Variants in CD200R1 observed in about 807,000 individuals in gnomAD.
CD200R1 encodes the protein CD200 receptor 1.
CD200R1 carries 30 observed loss-of-function variants against 38.1 expected under a neutral mutation model. The observed-to-expected ratio is 0.79, with a 90% confidence interval of 0.59 to 1.07. The LOEUF (loss-of-function observed/expected upper bound fraction) is 1.07. CD200R1 is among the 50% of genes least tolerant of loss of function. CD200R1 has a pLI of 0.00. For missense variants in CD200R1, 372 were observed against 415.4 expected (o/e 0.90, Z 0.91); for synonymous variants, 128 against 152.1 (o/e 0.84, Z 1.16).
intron 1 of CD200R1, among the ~76,000 whole-genome samples, chr3:112,967,530 A>G (rs1418046594): frequency 1.3e-5 from 2 of 152,228 alleles, no homozygotes; most frequent in African/African-American, 4.8e-5. Flanking sequence ...TTGATTTAAT[A>G]TCTATCTTTC....
chr3:112,929,892 A>T (rs892054193), intron 3 of CD200R1, among the ~76,000 whole-genome samples: 2 of 152,142 alleles, frequency 1.3e-5, no homozygotes, highest in African/African-American at 4.8e-5. Context: ...CAGGAAAGAA[A>T]ATGGAACAAT....
At chr3:112,967,008 A>G (rs1302694499) in intron 1 of CD200R1, among the ~76,000 whole-genome samples, 1 of 152,172 alleles carries the variant, frequency 6.6e-6, no homozygotes, top group Non-Finnish European at 1.5e-5. Flanking sequence ...TAAGTTGTTG[A>G]TGGATTTTAA....
chr3:112,929,858 C>T lies in CD200R1; in HGVS notation c.203-351G>A, dbSNP rs140019220. On this transcript the variant is annotated intron_variant, in intron 3 of 7. Coordinates refer to ENST00000308611, the MANE Select transcript of CD200R1 (RefSeq NM_138806.4). ...ATCTTTAGGTGGTGGAGACTATTGC[C>T]TTTATCATACAATGTATGTGCCACA... Among the ~76,000 whole-genome samples, 50 of 152,008 alleles carry T rather than the reference C, an allele frequency of 3.3e-4. No individual in the cohort carries two copies. The East Asian group carries it at 7.0e-3, about 21-fold the overall frequency.
intron 1 of CD200R1, among the ~76,000 whole-genome samples, chr3:112,955,854 G>C (rs1391052150): frequency 1.3e-5 from 2 of 151,228 alleles, no homozygotes; most frequent in Non-Finnish European, 2.9e-5. Context: ...TAAGGTTTCG[G>C]CTGAGAAGTC....
At chr3:112,930,634 C>T (rs1940407923) in intron 3 of CD200R1, among the ~76,000 whole-genome samples, 1 of 152,180 alleles carries the variant, frequency 6.6e-6, no homozygotes, top group South Asian at 2.1e-4. Context: ...AGGTAAGTGT[C>T]AGTGATTTCA....
At chr3:112,953,419 T>C (rs1006432751) in intron 1 of CD200R1, among the ~76,000 whole-genome samples, 6 of 152,234 alleles carry the variant, frequency 3.9e-5, no homozygotes, top group African/African-American at 1.4e-4. Flanking sequence ...GTTTTCTTTT[T>C]ATCTGGCGTC....
intron 1 of CD200R1, among the ~76,000 whole-genome samples, chr3:112,965,774 A>AT (rs987581052): frequency 6.6e-6 from 1 of 152,114 alleles, no homozygotes; most frequent in African/African-American, 2.4e-5. Context: ...GAAAAAAAAA[A>AT]GATATTTAAT....
chr3:112,944,907 C>A (rs116685191), intron 2 of CD200R1, among the ~76,000 whole-genome samples: 1,783 of 152,212 alleles, frequency 0.012, 33 homozygotes, highest in African/African-American at 0.041. Context: ...GTTTGTATGA[C>A]AATTTCCAAT....
chr3:112,942,276 T>C (rs761254418), intron 2 of CD200R1, among the ~76,000 whole-genome samples: 2 of 151,656 alleles, frequency 1.3e-5, no homozygotes, highest in Non-Finnish European at 3.0e-5. Context: ...GTATGTGTTA[T>C]GTATAAGAAG....
At chr3:112,968,034 T>A (rs922692242) in intron 1 of CD200R1, among the ~76,000 whole-genome samples, 1 of 152,226 alleles carries the variant, frequency 6.6e-6, no homozygotes, top group African/African-American at 2.4e-5. Flanking sequence ...GAAATTACTG[T>A]CAAAAGAAGT....
intron 5 of CD200R1, among the ~76,000 whole-genome samples, chr3:112,927,866 CA>C (rs1388200369): frequency 2.0e-5 from 3 of 151,724 alleles, no homozygotes; most frequent in Non-Finnish European, 4.4e-5. Context: ...CTTAAGGAAA[CA>C]AAAAAGGTAA....
intron 1 of CD200R1, among the ~76,000 whole-genome samples, 196 bp from the exon 2 acceptor site, chr3:112,948,120 T>C (rs1940904157): frequency 6.6e-6 from 1 of 152,210 alleles, no homozygotes; most frequent in Admixed American, 6.5e-5. Context: ...TTTCTCTTCC[T>C]GACTCTGGCA....
intron 1 of CD200R1, among the ~76,000 whole-genome samples, chr3:112,959,781 A>C (rs1220303244): frequency 1.3e-5 from 2 of 152,098 alleles, no homozygotes; most frequent in African/African-American, 4.8e-5. Flanking sequence ...CAAAGTTATT[A>C]TAATGAATGT....
chr3:112,937,405 A>G (rs1475593499), intron 2 of CD200R1, among the ~76,000 whole-genome samples: 2 of 152,168 alleles, frequency 1.3e-5, no homozygotes, highest in Non-Finnish European at 2.9e-5. Context: ...AATTTTCTTC[A>G]TATGGCTAGC....
intron 2 of CD200R1, among the ~76,000 whole-genome samples, chr3:112,940,562 A>G (rs774330692): frequency 2.0e-5 from 3 of 151,938 alleles, no homozygotes; most frequent in Non-Finnish European, 2.9e-5. Flanking sequence ...AGTGCTCAAC[A>G]TCACTAATCA....
chr3:112,923,412 C>A lies in CD200R1; in HGVS notation c.*265G>T. 1 of 226,662 alleles carries A rather than the reference C, an allele frequency of 4.4e-6. No homozygotes were observed. The highest frequency in any genetic ancestry group is 8.5e-6 in the Non-Finnish European group (1 of 117,356). The allele number at this position is 226,662 out of a possible 1,614,324, so 14.0% of individuals were successfully genotyped here. On this transcript the variant is annotated 3_prime_UTR_variant, in exon 8 of 8. Coordinates refer to ENST00000308611, the MANE Select transcript of CD200R1 (RefSeq NM_138806.4). Reference sequence around the variant, plus strand: ...GAGGAAATTTGGTTTTCATTATTTACTGTCCTGCACAATTTGAATATTTGG... The same window carrying A: ...GAGGAAATTTGGTTTTCATTATTTAATGTCCTGCACAATTTGAATATTTGG...
At chr3:112,971,269 G>C (rs1933303170) in intron 1 of CD200R1, among the ~76,000 whole-genome samples, 1 of 152,078 alleles carries the variant, frequency 6.6e-6, no homozygotes, top group Non-Finnish European at 1.5e-5. Context: ...CTATTATATT[G>C]AATTATTTAG....
chr3:112,928,212 A>G (rs976227247), intron 5 of CD200R1, among the ~76,000 whole-genome samples: 3 of 152,208 alleles, frequency 2.0e-5, no homozygotes, highest in African/African-American at 7.2e-5. Flanking sequence ...GGAGATGGCA[A>G]TTGGGTTGGA....
At chr3:112,937,623 A>G (rs146833403) in intron 2 of CD200R1, among the ~76,000 whole-genome samples, 3,263 of 152,158 alleles carry the variant, frequency 0.021, 40 homozygotes, top group South Asian at 0.047. Flanking sequence ...GTCAGGTAGC[A>G]TGATGCTTCC....
Sources: gnomAD v4.1 joint callset for allele counts (sites outside exome capture counted in the v4.1 genomes callset) on GRCh38, gnomAD v4.1.1 for gene constraint, MANE v1.5 for transcripts, NCBI Gene and HGNC (gene_info 2026-07-23, HGNC 2026-07-21) for gene names.